Variants in INPP5A observed in about 807,000 individuals in gnomAD.
The protein encoded by INPP5A is 43 kDa inositol polyphosphate 5-phophatase.
INPP5A carries 14 observed loss-of-function variants against 65.2 expected under a neutral mutation model. The observed-to-expected ratio is 0.21, with a 90% confidence interval of 0.14 to 0.34. The LOEUF is 0.34. INPP5A is among the 10% of genes least tolerant of loss of function. INPP5A has a pLI of 1.00. For missense variants in INPP5A, 431 were observed against 545.6 expected (o/e 0.79, Z 2.09); for synonymous variants, 207 against 208.3 (o/e 0.99, Z 0.05).
At chr10:132,598,793 C>T (rs1034024097) in intron 1 of INPP5A, among the ~76,000 whole-genome samples, 19 of 152,262 alleles carry the variant, frequency 1.2e-4, no homozygotes, top group Admixed American at 7.8e-4. Context: ...CTTATAGTTC[C>T]GCATGGCTGG....
In INPP5A at chr10:132,545,182, G is replaced by A. The variant is rs568692830; in HGVS notation, c.75+7011G>A. Among the ~76,000 whole-genome samples, 69 of 152,302 alleles carry A rather than the reference G, an allele frequency of 4.5e-4. No individual in the cohort carries two copies. Among genetic ancestry groups the A allele is most frequent in the African/African-American group, 1.5e-3 (63 of 41,556 alleles). ...GCACGGCTCTGGGATGGCTGTGCTC[G>A]GTGGGGGTCTGATTTTGGGGGAAGA... On this transcript the variant is annotated intron_variant, in intron 1 of 15. Transcript: ENST00000368594. This position sits in a 1 kb window ranked among gnomAD's most constrained non-coding sequence, Gnocchi z 4.6.
chr10:132,755,258 GGT>G (rs1187225397), intron 11 of INPP5A, among the ~76,000 whole-genome samples: 11 of 149,216 alleles, frequency 7.4e-5, no homozygotes, highest in South Asian at 4.3e-4. Context: ...GGTGTGAGCA[GGT>G]GTGTGCATGT....
intron 13 of INPP5A, 88 bp from the exon 14 acceptor site, chr10:132,780,760 CA>C (rs1159965497): frequency 1.7e-5 from 18 of 1,074,926 alleles, no homozygotes; most frequent in Non-Finnish European, 2.5e-5. Context: ...TCTGCCCCCA[CA>C]AAACCCTGAT....
chr10:132,566,600 C>T (rs556432233), intron 1 of INPP5A, among the ~76,000 whole-genome samples: 17 of 152,314 alleles, frequency 1.1e-4, no homozygotes, highest in Non-Finnish European at 1.6e-4. Flanking sequence ...GTTAATAGTT[C>T]ATCAGTAGAA....
At chr10:132,613,757 G>A (rs1372128196) in intron 2 of INPP5A, among the ~76,000 whole-genome samples, 4 of 152,226 alleles carry the variant, frequency 2.6e-5, no homozygotes, top group Non-Finnish European at 5.9e-5. Context: ...CTGGCAGTGA[G>A]TGGGCCTCGC....
At chr10:132,563,894 T>C (rs1237922616) in intron 1 of INPP5A, among the ~76,000 whole-genome samples, 3 of 152,142 alleles carry the variant, frequency 2.0e-5, no homozygotes, top group Non-Finnish European at 2.9e-5. Context: ...TGGTGGCTCA[T>C]GTCCACTCTA....
chr10:132,584,197 G>A (rs976316283), intron 1 of INPP5A, among the ~76,000 whole-genome samples: 11 of 152,198 alleles, frequency 7.2e-5, no homozygotes, highest in African/African-American at 2.7e-4. Context: ...GCCTTTGCCG[G>A]TTTTGGTGTT....
At chr10:132,543,545 T>C (rs536341612) in intron 1 of INPP5A, among the ~76,000 whole-genome samples, 1 of 152,302 alleles carries the variant, frequency 6.6e-6, no homozygotes, top group East Asian at 1.9e-4. Flanking sequence ...GCCTCCTGAA[T>C]AACGGGGACT....
Position 132,547,040 on chromosome 10 carries a change from A to G in INPP5A, c.75+8869A>G, listed in dbSNP as rs1000713662. 6.6e-6 allele frequency among the ~76,000 whole-genome samples: 1 copy of G among 152,206 alleles called. No homozygotes were observed. The highest frequency in any genetic ancestry group is 1.5e-5 in the Non-Finnish European group (1 of 68,030). ...CATTCCAGGAACCAGAGGAGATTGAAGAACCCGAGACTTGGCTTTGGCCCA... is the reference window on the plus strand; with the variant it reads ...CATTCCAGGAACCAGAGGAGATTGAGGAACCCGAGACTTGGCTTTGGCCCA... On this transcript the variant is annotated intron_variant, in intron 1 of 15. Transcript: ENST00000368594. This position sits in a 1 kb window ranked among gnomAD's most constrained non-coding sequence, Gnocchi z 5.5.
chr10:132,780,789 C>G (rs1847146889), intron 13 of INPP5A, 60 bp from the exon 14 acceptor site: 2 of 1,373,964 alleles, frequency 1.5e-6, no homozygotes, highest in East Asian at 2.3e-5. Flanking sequence ...CCAGTCAGCT[C>G]CCAACTGGAC....
At chr10:132,579,978 A>G (rs1469324967) in intron 1 of INPP5A, among the ~76,000 whole-genome samples, 1 of 147,688 alleles carries the variant, frequency 6.8e-6, no homozygotes, top group Admixed American at 6.8e-5. Context: ...TCCACTCCCG[A>G]TACTGGAGTG....
chr10:132,725,016 G>A (rs1269524876), intron 8 of INPP5A, among the ~76,000 whole-genome samples: 1 of 149,992 alleles, frequency 6.7e-6, no homozygotes, highest in Non-Finnish European at 1.5e-5. Flanking sequence ...CAGAACTCAC[G>A]GGGGGCCCCA....
At position 132,643,211 on chromosome 10, in the gene INPP5A, A is replaced by G. The variant is rs534886896; in HGVS notation, c.118-2657A>G. ...GCTAGTATATAGAAGGAATTCAACT[A>G]TTAAAGACTAAGAAAGGCACAAAAT... On this transcript the variant is annotated intron_variant, in intron 2 of 15. Transcript: ENST00000368594. 7.6e-4 allele frequency among the ~76,000 whole-genome samples: 116 copies of G among 152,354 alleles called. 1 individual carries two copies. Among genetic ancestry groups the G allele is most frequent in the African/African-American group, 2.3e-3 (94 of 41,584 alleles).
chr10:132,540,875 GA>G (rs2070897790), intron 1 of INPP5A, among the ~76,000 whole-genome samples: 1 of 152,242 alleles, frequency 6.6e-6, no homozygotes, highest in African/African-American at 2.4e-5. Context: ...GTTTGAATCT[GA>G]AGCAGATATC....
In INPP5A at chr10:132,697,751, G is replaced by A. The variant is rs1053916338; in HGVS notation, c.371-65G>A. 8.9e-7 allele frequency: 1 copy of A among 1,126,486 alleles called. No individual in the cohort carries two copies. The highest frequency in any genetic ancestry group is 1.3e-5 in the South Asian group (1 of 77,166). The allele number at this position is 1,126,486 out of a possible 1,614,324, so 69.8% of individuals were successfully genotyped here. ...CTGAAGTCGGGTGGAAACAGGTTGT[G>A]CTCCAGGCTGGTTGGATGGGGCACA... On this transcript the variant is annotated intron_variant, in intron 5 of 15. Coordinates refer to ENST00000368594, the MANE Select transcript of INPP5A (RefSeq NM_005539.5). This position sits in a 1 kb window ranked among gnomAD's most constrained non-coding sequence, Gnocchi z 5.6.
At chr10:132,568,189 CAAAAAAAA>C (rs56217302) in intron 1 of INPP5A, among the ~76,000 whole-genome samples, 5 of 61,986 alleles carry the variant, frequency 8.1e-5, no homozygotes, top group Admixed American at 1.7e-4. Context: ...GACTCCGTCT[CAAAAAAAA>C]AAAAAAAAAA....
intron 4 of INPP5A, among the ~76,000 whole-genome samples, chr10:132,666,228 A>G (rs2072800315): frequency 6.6e-6 from 1 of 152,088 alleles, no homozygotes; most frequent in South Asian, 2.1e-4. Context: ...TGGGGGAGTA[A>G]TTCATAGTCA....
intron 12 of INPP5A, among the ~76,000 whole-genome samples, chr10:132,774,971 GGGA>G: frequency 1.5e-5 from 1 of 68,882 alleles, no homozygotes; most frequent in Non-Finnish European, 3.2e-5. Flanking sequence ...GGAGGAGAGA[GGGA>G]CAGGGAGGAG....
intron 1 of INPP5A, among the ~76,000 whole-genome samples, chr10:132,596,931 GCA>G (rs746452293): frequency 1.0e-3 from 47 of 47,232 alleles, no homozygotes; most frequent in East Asian, 3.9e-3. Flanking sequence ...GCGCGCATGT[GCA>G]CGCATGTGTG....
Sources: gnomAD v4.1 joint callset for allele counts (sites outside exome capture counted in the v4.1 genomes callset) on GRCh38, gnomAD v4.1.1 for gene constraint, Gnocchi (gnomAD v3.1) non-coding constraint, MANE v1.5 for transcripts, NCBI Gene and HGNC (gene_info 2026-07-23, HGNC 2026-07-21) for gene names.